The following ARHGAP11A variants were observed in gnomAD, a reference collection of about 807,000 sequenced individuals.
The protein encoded by ARHGAP11A is rho GTPase-activating protein 11A.
Under a neutral mutation model 60.5 loss-of-function variants are expected in ARHGAP11A, and 36 were observed. That is an observed-to-expected ratio of 0.59 (90% confidence interval 0.46 to 0.79). The LOEUF is 0.79. Ranked by LOEUF, ARHGAP11A falls within the 30% of genes least tolerant of loss-of-function variation. The pLI is 0.00. For missense variants in ARHGAP11A, 1,071 were observed against 1,199.2 expected, an observed-to-expected ratio of 0.89 and a Z score of 1.58; for synonymous variants, 362 against 415.5, an observed-to-expected ratio of 0.87 and a Z score of 1.57.
Position 32,636,540 on chromosome 15 carries a change from T to C in ARHGAP11A, c.1767T>C (p.Asn589=). ...ITSSPLSGDE[N]NMTKETLVKV... ...GTAGCCCTCTTAGCGGGGATGAAAATAACATGACCAAAGAGACTTTGGTGA... is the reference window on the plus strand; with the variant it reads ...GTAGCCCTCTTAGCGGGGATGAAAACAACATGACCAAAGAGACTTTGGTGA... Residue 589 remains asparagine (N), a synonymous_variant, in exon 12 of 12, where the codon AAT becomes AAC. Coordinates refer to ENST00000361627, the MANE Select transcript of ARHGAP11A (RefSeq NM_014783.6). 1.2e-6 allele frequency: 2 copies of C among 1,613,994 alleles called. No homozygotes were observed. Among genetic ancestry groups the C allele is most frequent in the South Asian group, 1.1e-5 (1 of 91,084 alleles).
At chr15:32,626,816 C>T (rs1352992055) in intron 6 of ARHGAP11A, among the ~76,000 whole-genome samples, 1 of 152,256 alleles carries the variant, frequency 6.6e-6, no homozygotes, top group African/African-American at 2.4e-5. Flanking sequence ...CCAATCCCTG[C>T]CTATGTCATC....
chr15:32,636,627 G>A lies in ARHGAP11A; in HGVS notation c.1854G>A (p.Gln618=). Residue 618 remains glutamine, a synonymous_variant, in exon 12 of 12, where the codon CAG becomes CAA. Coordinates refer to ENST00000361627, the MANE Select transcript of ARHGAP11A (RefSeq NM_014783.6). ...SNLHALMNQR[Q]SSVTNVGKVK... is the part of the protein sequence containing the mutation. Reference sequence around the variant, plus strand: ...TTCACGCATTGATGAATCAGAGGCAGTCATCAGTAACTAATGTGGGGAAAG... The same window carrying A: ...TTCACGCATTGATGAATCAGAGGCAATCATCAGTAACTAATGTGGGGAAAG... 6.2e-7 allele frequency: 1 copy of A among 1,613,962 alleles called. No individual in the cohort carries two copies. Among genetic ancestry groups the A allele is most frequent in the South Asian group, 1.1e-5 (1 of 90,998 alleles).
chr15:32,628,222 G>C (rs1209756904), intron 6 of ARHGAP11A, among the ~76,000 whole-genome samples: 3 of 152,158 alleles, frequency 2.0e-5, no homozygotes, highest in African/African-American at 7.2e-5. Flanking sequence ...GTCTTTCATA[G>C]GATTGCTCTA....
chr15:32,620,350 A>C (rs1338248832), intron 2 of ARHGAP11A, among the ~76,000 whole-genome samples, 172 bp downstream of exon 2: 1 of 152,170 alleles, frequency 6.6e-6, no homozygotes, highest in African/African-American at 2.4e-5. Context: ...GGCGGAGCAC[A>C]CTTGTAGTCC....
In ARHGAP11A at chr15:32,625,547, G is replaced by A. The variant is rs777265233; in HGVS notation, c.776G>A (p.Cys259Tyr). ...GCCATGTTGGGTATTGATGGTCTCT[G>A]TGCTACTCCATCACTGGAAGGCTTT... ...IPAMLGIDGL[C>Y]ATPSLEGFEE... Residue 259 changes from cysteine to tyrosine, a missense_variant, in exon 6 of 12, where the codon TGT (cysteine) becomes TAT (tyrosine). Cys to Tyr is a radical substitution (Grantham distance 194). Around this residue, in one of 4 missense-constraint regions of ARHGAP11A, gnomAD observed 196 missense variants for 272.1 expected, o/e 0.72. Coordinates refer to ENST00000361627, the MANE Select transcript of ARHGAP11A (RefSeq NM_014783.6). 1.2e-6 allele frequency: 2 copies of A among 1,613,700 alleles called. No individual in the cohort carries two copies. The highest frequency in any genetic ancestry group is 1.7e-6 in the Non-Finnish European group (2 of 1,179,738).
In ARHGAP11A at chr15:32,636,799, C is replaced by A; in HGVS notation, c.2026C>A (p.Pro676Thr). The A allele has an allele frequency of 6.2e-7, 1 of 1,609,678 alleles. No homozygotes were observed. Among genetic ancestry groups the A allele is most frequent in the Non-Finnish European group, 8.5e-7 (1 of 1,179,038 alleles). ...ATGTTTTTCAGAGAGGGACTTTTCA[C>A]CCCTTCAAACTCAAACATTTAATAG... Reference protein sequence around the residue: ...EKCFSERDFSPLQTQTFNRET... With the variant: ...EKCFSERDFSTLQTQTFNRET... Residue 676 changes from proline (P) to threonine (T), a missense_variant, in exon 12 of 12, where the codon CCC (proline) becomes ACC (threonine). Physicochemically the swap from Pro to Thr is conservative, Grantham distance 38 (BLOSUM62 -1). Transcript: ENST00000361627.
intron 2 of ARHGAP11A, among the ~76,000 whole-genome samples, chr15:32,621,906 T>C (rs1314299429): frequency 6.6e-6 from 1 of 152,296 alleles, no homozygotes; most frequent in African/African-American, 2.4e-5. Flanking sequence ...TTCCCCTCCA[T>C]CTAAAGTAGG....
At chr15:32,634,217 T>C (rs531678390) in intron 10 of ARHGAP11A, among the ~76,000 whole-genome samples, 176 bp downstream of exon 10, 1 of 152,352 alleles carries the variant, frequency 6.6e-6, no homozygotes, top group South Asian at 2.1e-4. Flanking sequence ...ACCCAAAGCT[T>C]AGTCCTTGGA....
In ARHGAP11A at chr15:32,627,811, C is replaced by CTT. The variant is rs369719619; in HGVS notation, c.863-902_863-901dup. Among the ~76,000 whole-genome samples the CTT allele has an allele frequency of 7.1e-3, 966 of 135,728 alleles. 15 individuals carry two copies. Among genetic ancestry groups the CTT allele is most frequent in the African/African-American group, 0.018 (667 of 36,518 alleles). The allele number at this position is 135,728 out of a possible 152,430, so 89.0% of individuals were successfully genotyped here. On this transcript the variant is annotated intron_variant, in intron 6 of 11. Transcript: ENST00000361627. ...CCCTACATATTGCTATTAAGGCTCA[C>CTT]TTTTTTTTTTTTTTTTGAGACGGAG...
At position 32,625,101 on chromosome 15, in the gene ARHGAP11A, C is replaced by T. The variant is rs2053427013; in HGVS notation, c.573C>T (p.Asp191=). ...VSLRSSENKM[D]SSNLAVIFAP... is the part of the protein sequence containing the mutation. Reference sequence around the variant, plus strand: ...TAAGATCCAGTGAGAATAAGATGGACAGCAGCAATCTTGCAGTAATATTTG... The same window carrying T: ...TAAGATCCAGTGAGAATAAGATGGATAGCAGCAATCTTGCAGTAATATTTG... The change falls in exon 5 of 12, where the codon GAC becomes GAT. Residue 191 remains aspartate, a synonymous_variant. Transcript: ENST00000361627. The T allele has an allele frequency of 9.9e-6, 16 of 1,613,864 alleles. No homozygotes were observed. Among genetic ancestry groups the T allele is most frequent in the East Asian group, 2.2e-5 (1 of 44,872 alleles).
rs137886516 is a variant in ARHGAP11A, at chr15:32,616,484, G to C, written c.129+144G>C. On this transcript the variant is annotated intron_variant, in intron 1 of 11. Transcript: ENST00000361627. ...AATTCAGTTCAGATGGTCGATTGCTGATATTTAAAAAGTGACATTCTTGTT... is the reference window on the plus strand; with the variant it reads ...AATTCAGTTCAGATGGTCGATTGCTCATATTTAAAAAGTGACATTCTTGTT... The C allele has an allele frequency of 1.3e-4, 167 of 1,330,130 alleles. 2 individuals are homozygous for C. In the African/African-American group the frequency reaches 2.2e-3, roughly 17 times the overall value. 82.4% of individuals were successfully genotyped at this position (1,330,130 alleles called of 1,614,324 possible).
At position 32,618,769 on chromosome 15, in the gene ARHGAP11A, C is replaced by T. The variant is rs866161196; in HGVS notation, c.130-1339C>T. ...GCTAACACGGTGAAACCCCCCCCCC[C>T]CCGCCCCACGTCTCTACTAAAAATA... On this transcript the variant is annotated intron_variant, in intron 1 of 11. Transcript: ENST00000361627. Among the ~76,000 whole-genome samples the T allele has an allele frequency of 2.3e-4, 24 of 104,084 alleles. No individual in the cohort carries two copies. In the East Asian group the frequency reaches 2.4e-3, roughly 10 times the overall value. The allele number at this position is 104,084 out of a possible 152,430, so 68.3% of individuals were successfully genotyped here. A position where few individuals can be genotyped will look rare whatever the true frequency, so the allele number is the denominator to read the frequency against.
intron 2 of ARHGAP11A, among the ~76,000 whole-genome samples, chr15:32,620,945 C>T (rs1183705883): frequency 2.6e-5 from 4 of 152,056 alleles, no homozygotes; most frequent in Admixed American, 1.3e-4. Flanking sequence ...GTGGTGTGCA[C>T]CTGTAGTCCC....
rs1252061701 is a variant in ARHGAP11A at position 32,638,020 on chromosome 15, ATTAC to A, written c.*178_*181del. ...GCAACTTAGATTTTTATTTGTACAA[ATTAC>A]TTCTTTGTTTTTCTTAATGATGGCA... On this transcript the variant is annotated 3_prime_UTR_variant, in exon 12 of 12. Transcript: ENST00000361627. The A allele has an allele frequency of 1.7e-6, 1 of 599,114 alleles. No homozygotes were observed. The highest frequency in any genetic ancestry group is 2.8e-6 in the Non-Finnish European group (1 of 362,114). 37.1% of individuals were successfully genotyped at this position (599,114 alleles called of 1,614,324 possible).
At position 32,625,064 on chromosome 15, in the gene ARHGAP11A, C is replaced by T. The variant is rs538799230; in HGVS notation, c.552-16C>T. The T allele has an allele frequency of 1.5e-5, 25 of 1,613,126 alleles. 1 individual carries two copies. The highest frequency in any genetic ancestry group is 6.7e-5 in the East Asian group (3 of 44,864). On this transcript the variant is annotated splice_polypyrimidine_tract_variant and intron_variant, in intron 4 of 11. Transcript: ENST00000361627. ...TCACGTTTGGCTCCATCTAATAAAG[C>T]GTTTATTCACTTAAGATCCAGTGAG... is the stretch of plus-strand genomic sequence containing the variant.
At chr15:32,627,403 C>G (rs973391534) in intron 6 of ARHGAP11A, among the ~76,000 whole-genome samples, 4 of 151,908 alleles carry the variant, frequency 2.6e-5, no homozygotes, top group Non-Finnish European at 5.9e-5. Flanking sequence ...GTATAAGATT[C>G]TATCTCCGTA....
chr15:32,627,927 A>C (rs1300189551), intron 6 of ARHGAP11A, among the ~76,000 whole-genome samples: 2 of 150,716 alleles, frequency 1.3e-5, no homozygotes, highest in Non-Finnish European at 2.9e-5. Flanking sequence ...CTCTTGCCTC[A>C]GTCTCCCAAG....
At position 32,637,115 on chromosome 15, in the gene ARHGAP11A, G is replaced by A. The variant is rs2053735859; in HGVS notation, c.2342G>A (p.Arg781Lys). ...VTNLSKPRPM[R>K]IAKQQSLETC... Reference sequence around the variant, plus strand: ...AACTTGTCAAAACCTAGGCCTATGAGAATTGCTAAACAGCAGTCATTGGAA... The same window carrying A: ...AACTTGTCAAAACCTAGGCCTATGAAAATTGCTAAACAGCAGTCATTGGAA... Residue 781 changes from arginine to lysine, a missense_variant, in exon 12 of 12, where the codon AGA (arginine) becomes AAA (lysine). By Grantham distance (26) the Arg-to-Lys change is conservative (BLOSUM62 2). This residue lies in a region of ARHGAP11A where 776 missense variants were observed against 760.2 expected (regional missense o/e 1.02). Transcript: ENST00000361627. 2 of 1,614,008 alleles carry A rather than the reference G, an allele frequency of 1.2e-6. No homozygotes were observed. The highest frequency in any genetic ancestry group is 2.7e-5 in the African/African-American group (2 of 75,056).
intron 6 of ARHGAP11A, among the ~76,000 whole-genome samples, chr15:32,627,612 C>T (rs2053494780): frequency 6.6e-6 from 1 of 151,920 alleles, no homozygotes; most frequent in Non-Finnish European, 1.5e-5. Flanking sequence ...GCCTGTAGTC[C>T]CAGCTACTTG....
Sources: allele counts gnomAD v4.1 joint callset (sites outside exome capture counted in the v4.1 genomes callset), GRCh38; gene constraint gnomAD v4.1.1; regional missense constraint gnomAD v4.1.1; transcripts MANE v1.5; gene names NCBI Gene and HGNC (gene_info 2026-07-23, HGNC 2026-07-21).